Variants in LIN28B observed in about 807,000 individuals in gnomAD.
LIN28B encodes the protein lin-28 RNA binding posttranscriptional regulator B.
A neutral mutation model predicts 21.9 loss-of-function variants in LIN28B; 5 were observed. The observed-to-expected ratio is 0.23, with a 90% CI of 0.12 to 0.48. LIN28B has a LOEUF of 0.48. Among genes scored for constraint, LIN28B ranks in the 20% least tolerant of loss-of-function variants. The pLI, the probability that LIN28B is intolerant of heterozygous loss-of-function variation, is 0.98. For synonymous variants in LIN28B, 109 were observed against 111.3 expected (o/e 0.98, Z 0.13); for missense variants, 245 against 310.5 (o/e 0.79, Z 1.58).
intron 2 of LIN28B, among the ~76,000 whole-genome samples, chr6:104,961,893 T>C (rs1453817107): frequency 6.6e-6 from 1 of 152,232 alleles, no homozygotes; most frequent in Non-Finnish European, 1.5e-5. Context: ...AAGACTTAAA[T>C]ATTTGATGGT....
intron 2 of LIN28B, among the ~76,000 whole-genome samples, chr6:104,959,252 G>T (rs1769664444): frequency 6.6e-6 from 1 of 152,126 alleles, no homozygotes; most frequent in African/African-American, 2.4e-5. Context: ...AAATAAAGAG[G>T]TTTACGACTA....
At chr6:105,058,109 G>T in intron 3 of LIN28B, 1 of 412,994 alleles carries the variant, frequency 2.4e-6, no homozygotes. Flanking sequence ...CATTTTCTCT[G>T]AGGAGGGTAT....
intron 3 of LIN28B, among the ~76,000 whole-genome samples, chr6:105,065,530 A>G (rs1320706921): frequency 6.6e-6 from 1 of 152,250 alleles, no homozygotes; most frequent in East Asian, 1.9e-4. Context: ...GACAGAGGTC[A>G]TTTACTTCTC....
At chr6:104,979,014 C>T (rs1770163194) in intron 2 of LIN28B, among the ~76,000 whole-genome samples, 1 of 151,862 alleles carries the variant, frequency 6.6e-6, no homozygotes, top group Non-Finnish European at 1.5e-5. Context: ...TTTAGAGGGC[C>T]TAAACATTAG....
chr6:104,995,059 G>A (rs1770571564), intron 2 of LIN28B, among the ~76,000 whole-genome samples: 1 of 152,188 alleles, frequency 6.6e-6, no homozygotes, highest in Admixed American at 6.5e-5. Flanking sequence ...GGGATGCTCA[G>A]CTGGTAAGTA....
intron 3 of LIN28B, among the ~76,000 whole-genome samples, chr6:105,028,848 AGTATACATAG>A (rs1392431092): frequency 6.6e-6 from 1 of 152,216 alleles, no homozygotes; most frequent in Non-Finnish European, 1.5e-5. Context: ...CATCACAGTG[AGTATACATAG>A]GTAAGAAGAG....
intron 2 of LIN28B, among the ~76,000 whole-genome samples, chr6:105,025,575 C>CACT (rs908954571): frequency 4.6e-5 from 7 of 152,066 alleles, no homozygotes; most frequent in African/African-American, 1.7e-4. Context: ...GAAAACGACT[C>CACT]TTTAGTGTCT....
At chr6:104,957,866 G>A (rs187408001) in intron 1 of LIN28B, among the ~76,000 whole-genome samples, 146 of 151,914 alleles carry the variant, frequency 9.6e-4, no homozygotes, top group Non-Finnish European at 1.2e-3. Context: ...GTATAGAAAC[G>A]TGGAAGTTGG....
chr6:104,972,873 G>T (rs751018270), intron 2 of LIN28B, among the ~76,000 whole-genome samples: 62 of 152,130 alleles, frequency 4.1e-4, no homozygotes, highest in Non-Finnish European at 6.9e-4. Flanking sequence ...CACTTTAGGA[G>T]GCTGAGGTGG....
At position 105,081,054 on chromosome 6, in the gene LIN28B, T is replaced by C. The variant is rs535590924; in HGVS notation, c.*2271T>C. On this transcript the variant is annotated 3_prime_UTR_variant, in exon 4 of 4. Transcript: ENST00000345080. ...AAGAGCACATACCAAACCTATCTTATGGTTGAAAGTTGGGGTTTATTTTTT... is the reference window on the plus strand; with the variant it reads ...AAGAGCACATACCAAACCTATCTTACGGTTGAAAGTTGGGGTTTATTTTTT... The C allele has an allele frequency of 6.6e-5, 10 of 152,612 alleles. No individual in the cohort carries two copies. The highest frequency in any genetic ancestry group is 1.3e-4 in the Non-Finnish European group (9 of 68,030). 9.5% of individuals were successfully genotyped at this position (152,612 alleles called of 1,614,324 possible). A position where few individuals can be genotyped will look rare whatever the true frequency, so the allele number is the denominator to read the frequency against.
chr6:104,977,943 T>A (rs1430621468), intron 2 of LIN28B, among the ~76,000 whole-genome samples: 1 of 152,160 alleles, frequency 6.6e-6, no homozygotes, highest in African/African-American at 2.4e-5. Context: ...ATTAGGAATT[T>A]TTTTCCTGTC....
intron 2 of LIN28B, among the ~76,000 whole-genome samples, chr6:104,963,215 T>C (rs1769788671): frequency 6.6e-6 from 1 of 151,918 alleles, no homozygotes; most frequent in Non-Finnish European, 1.5e-5. Context: ...CCCGGCTAAT[T>C]TTTTGTATTT....
At chr6:105,023,638 TAAAATATATAA>T (rs1771221541) in intron 2 of LIN28B, among the ~76,000 whole-genome samples, 1 of 87,764 alleles carries the variant, frequency 1.1e-5, no homozygotes, top group African/African-American at 4.5e-5. Flanking sequence ...TTTATATATA[TAAAATATATAA>T]TATATATATA....
intron 2 of LIN28B, among the ~76,000 whole-genome samples, chr6:104,975,150 T>C (rs1444384894): frequency 6.6e-6 from 1 of 152,146 alleles, no homozygotes; most frequent in African/African-American, 2.4e-5. Flanking sequence ...GAATATTATT[T>C]GTTTAAAGGA....
chr6:105,023,635 A>G lies in LIN28B; in HGVS notation c.199-2663A>G, dbSNP rs191301653. Among the ~76,000 whole-genome samples the G allele has an allele frequency of 2.5e-3, 208 of 83,866 alleles. 1 individual carries two copies. The highest frequency in any genetic ancestry group is 0.01 in the African/African-American group (203 of 19,416). 55.0% of individuals were successfully genotyped at this position (83,866 alleles called of 152,430 possible). On this transcript the variant is annotated intron_variant, in intron 2 of 3. Transcript: ENST00000345080. ...ATAATATATATTATATATTTTATAT[A>G]TATAAAATATATAATATATATATAT... is the stretch of plus-strand genomic sequence containing the variant.
intron 3 of LIN28B, among the ~76,000 whole-genome samples, chr6:105,036,826 T>G (rs998089207): frequency 6.6e-6 from 1 of 152,230 alleles, no homozygotes; most frequent in African/African-American, 2.4e-5. Flanking sequence ...TTTCTTGCTT[T>G]AGACTGTGGC....
At chr6:105,060,025 T>TC (rs1772096447) in intron 3 of LIN28B, among the ~76,000 whole-genome samples, 1 of 151,904 alleles carries the variant, frequency 6.6e-6, no homozygotes, top group African/African-American at 2.4e-5. Context: ...TGCCTCAGCC[T>TC]CCCGAGTAGC....
intron 3 of LIN28B, among the ~76,000 whole-genome samples, chr6:105,037,753 C>T (rs1326423615): frequency 5.9e-5 from 9 of 151,972 alleles, no homozygotes; most frequent in African/African-American, 9.7e-5. Flanking sequence ...TCAAGTGATC[C>T]GCCTGCCTCG....
chr6:105,035,909 A>C (rs1166358500), intron 3 of LIN28B, among the ~76,000 whole-genome samples: 1 of 152,226 alleles, frequency 6.6e-6, no homozygotes, highest in Non-Finnish European at 1.5e-5. Flanking sequence ...ATATGGTAAT[A>C]TGAAGTGACT....
Sources: gnomAD v4.1 joint callset for allele counts (sites outside exome capture counted in the v4.1 genomes callset) on GRCh38, gnomAD v4.1.1 for gene constraint, MANE v1.5 for transcripts, NCBI Gene and HGNC (gene_info 2026-07-23, HGNC 2026-07-21) for gene names.